UQCC1: variants seen among roughly 807,000 people sequenced by gnomAD.
UQCC1 encodes bFGF-repressed Zic-binding protein.
UQCC1 carries 38 observed loss-of-function variants against 48.0 expected under a neutral mutation model. The observed-to-expected ratio is 0.79, with a 90% CI of 0.61 to 1.04. The LOEUF is 1.04. Ranked by LOEUF, UQCC1 falls within the 50% of genes least tolerant of loss-of-function variation. UQCC1 has a pLI of 0.00. For synonymous variants in UQCC1, 111 were observed against 129.2 expected, an observed-to-expected ratio of 0.86 and a Z score of 0.95; for missense variants, 368 against 381.8, an observed-to-expected ratio of 0.96 and a Z score of 0.30.
intron 7 of UQCC1, 82 bp from the exon 8 acceptor site, chr20:35,314,847 G>T (rs1030745989): frequency 1.8e-6 from 2 of 1,091,746 alleles, no homozygotes; most frequent in Non-Finnish European, 2.6e-6. Flanking sequence ...ACTCTTAGCT[G>T]TCACAGACTC....
chr20:35,363,860 C>A (rs1348234653), intron 6 of UQCC1, among the ~76,000 whole-genome samples: 7 of 152,130 alleles, frequency 4.6e-5, no homozygotes, highest in Non-Finnish European at 8.8e-5. Context: ...CTTCGGTTAC[C>A]CTCCTGGAGC....
At chr20:35,377,347 G>A (rs1274370061) in intron 4 of UQCC1, among the ~76,000 whole-genome samples, 1 of 152,194 alleles carries the variant, frequency 6.6e-6, no homozygotes, top group East Asian at 1.9e-4. Context: ...GCAGTTCTAG[G>A]AAGTATCTGA....
intron 1 of UQCC1, among the ~76,000 whole-genome samples, chr20:35,394,413 C>A (rs1356783019): frequency 6.6e-6 from 1 of 151,918 alleles, no homozygotes; most frequent in Non-Finnish European, 1.5e-5. Flanking sequence ...TGAGTTTATG[C>A]TAATGAGGTG....
chr20:35,398,649 CA>C (rs2062115735), intron 1 of UQCC1, among the ~76,000 whole-genome samples: 1 of 147,812 alleles, frequency 6.8e-6, no homozygotes, highest in African/African-American at 2.5e-5. Flanking sequence ...TTTTGTTTTA[CA>C]AACACTGACA....
At chr20:35,359,447 T>G (rs1195372871) in intron 6 of UQCC1, among the ~76,000 whole-genome samples, 2 of 151,702 alleles carry the variant, frequency 1.3e-5, no homozygotes, top group Admixed American at 1.3e-4. Flanking sequence ...AATAGGAGAG[T>G]TTCCTAGCTA....
chr20:35,345,944 A>G (rs1055397876), intron 7 of UQCC1: 2 of 152,182 alleles, frequency 1.3e-5, no homozygotes, highest in Non-Finnish European at 2.9e-5. Flanking sequence ...CTAAAACGTG[A>G]TCTAGATACA....
chr20:35,359,155 G>T (rs2061578780), intron 6 of UQCC1, among the ~76,000 whole-genome samples: 1 of 152,098 alleles, frequency 6.6e-6, no homozygotes, highest in Admixed American at 6.6e-5. Context: ...TAATAATAAT[G>T]ATTACTACCA....
At chr20:35,395,928 G>A (rs553099510) in intron 1 of UQCC1, among the ~76,000 whole-genome samples, 1 of 150,058 alleles carries the variant, frequency 6.7e-6, no homozygotes, top group African/African-American at 2.4e-5. Context: ...AAAATAAGCA[G>A]ACTTCTGGCA....
At chr20:35,337,439 G>A (rs192762127) in intron 7 of UQCC1, among the ~76,000 whole-genome samples, 7 of 152,072 alleles carry the variant, frequency 4.6e-5, no homozygotes, top group Admixed American at 2.6e-4. Flanking sequence ...CACTCGCCTC[G>A]GCCTCCCAAA....
intron 1 of UQCC1, among the ~76,000 whole-genome samples, chr20:35,395,862 A>C (rs1264229334): frequency 1.3e-5 from 2 of 152,138 alleles, no homozygotes; most frequent in African/African-American, 4.8e-5. Flanking sequence ...GACTAAAATA[A>C]TTCTGGTAAT....
Position 35,313,147 on chromosome 20 carries a change from C to G in UQCC1, c.651+1541G>C, listed in dbSNP as rs562867040. Reference sequence around the variant, plus strand: ...ATCCCAGCACTTTGGGAGGCCGAGGCGGGCAGATCACAAGGTCAGGAGATC... The same window carrying G: ...ATCCCAGCACTTTGGGAGGCCGAGGGGGGCAGATCACAAGGTCAGGAGATC... On this transcript the variant is annotated intron_variant, in intron 8 of 9. Transcript: ENST00000374385. 3.9e-3 allele frequency among the ~76,000 whole-genome samples: 592 copies of G among 151,976 alleles called. 2 individuals are homozygous for G. The highest frequency in any genetic ancestry group is 0.013 in the African/African-American group (537 of 41,474).
intron 3 of UQCC1, among the ~76,000 whole-genome samples, chr20:35,382,957 G>T (rs1026726915): frequency 6.6e-6 from 1 of 151,956 alleles, no homozygotes; most frequent in African/African-American, 2.4e-5. Context: ...GACAGATGTG[G>T]GGTATTAGAA....
At chr20:35,384,473 T>C (rs2061913174) in intron 2 of UQCC1, 4 of 332,902 alleles carry the variant, frequency 1.2e-5, no homozygotes, top group Admixed American at 1.2e-4. Flanking sequence ...AGACTCTATT[T>C]CTACAAATTT....
rs2060933940 is a variant in UQCC1, at chr20:35,306,783, G to A, written c.652-4C>T. ...CATGATCATCTGAAAGGATCCCCTG[G>A]AACATACAGCACAGCAGTGGTCTCC... On this transcript the variant is annotated splice_polypyrimidine_tract_variant and splice_region_variant and intron_variant, in intron 8 of 9. Coordinates refer to ENST00000374385, the MANE Select transcript of UQCC1 (RefSeq NM_018244.5). 1.9e-6 allele frequency: 3 copies of A among 1,611,048 alleles called. No individual in the cohort carries two copies. The highest frequency in any genetic ancestry group is 3.3e-5 in the Admixed American group (2 of 60,006).
intron 4 of UQCC1, among the ~76,000 whole-genome samples, chr20:35,380,012 C>G (rs978340791): frequency 2.6e-5 from 4 of 152,086 alleles, no homozygotes; most frequent in African/African-American, 9.7e-5. Flanking sequence ...CCAATTTTCT[C>G]TCTAGAATCA....
At chr20:35,408,323 G>A (rs1217770465) in intron 1 of UQCC1, among the ~76,000 whole-genome samples, 1 of 151,940 alleles carries the variant, frequency 6.6e-6, no homozygotes, top group Non-Finnish European at 1.5e-5. Flanking sequence ...CAGCTACTCG[G>A]GAGGCTAAGA....
chr20:35,367,850 C>T (rs1330215150), intron 5 of UQCC1, among the ~76,000 whole-genome samples: 1 of 152,178 alleles, frequency 6.6e-6, no homozygotes, highest in African/African-American at 2.4e-5. Flanking sequence ...ATTGTACTTA[C>T]TGAAAGGCTG....
intron 1 of UQCC1, among the ~76,000 whole-genome samples, chr20:35,401,658 CTTTTT>C (rs142034321): frequency 1.7e-5 from 2 of 117,984 alleles, no homozygotes; most frequent in African/African-American, 3.2e-5. Flanking sequence ...TGAAATCCAC[CTTTTT>C]TTTTTTTTTT....
chr20:35,361,529 A>G (rs2146426900), intron 6 of UQCC1, among the ~76,000 whole-genome samples: 1 of 152,378 alleles, frequency 6.6e-6, no homozygotes, highest in Non-Finnish European at 1.5e-5. Flanking sequence ...CCTTCAATCA[A>G]GAGAATAAAT....
Sources: gnomAD v4.1 joint callset for allele counts (sites outside exome capture counted in the v4.1 genomes callset) on GRCh38, gnomAD v4.1.1 for gene constraint, MANE v1.5 for transcripts, NCBI Gene and HGNC (gene_info 2026-07-23, HGNC 2026-07-21) for gene names.